Variants in CHLSN observed in about 807,000 individuals in gnomAD.
CHLSN encodes cholesin.
At chr7:1,031,862 C>T in the CHLSN span, among the ~76,000 whole-genome samples, 1 of 150,944 alleles carries the variant, frequency 6.6e-6, no homozygotes, top group East Asian at 2.0e-4. Flanking sequence ...GCAGGGAGGG[C>T]AGAGTGGTCC....
chr7:1,035,864 C>T, the CHLSN span, among the ~76,000 whole-genome samples: 1 of 152,250 alleles, frequency 6.6e-6, no homozygotes, highest in African/African-American at 2.4e-5. Context: ...TTATTCATAA[C>T]TGCCACAGAT....
chr7:1,009,032 TACACACATGCACACACGTACAC>T, the CHLSN span, among the ~76,000 whole-genome samples: 1 of 78,186 alleles, frequency 1.3e-5, no homozygotes, highest in Non-Finnish European at 2.4e-5. Flanking sequence ...TGCACACACG[TACACACATGCACACACGTACAC>T]GTGCACGTGC....
At chr7:1,058,821 G>A in the CHLSN span, 4 of 404,862 alleles carry the variant, frequency 9.9e-6, no homozygotes, top group Admixed American at 1.3e-4. Flanking sequence ...TCAATGAAGT[G>A]ATGAAAGCTT....
chr7:1,057,590 G>T, the CHLSN span: 1 of 771,746 alleles, frequency 1.3e-6, no homozygotes, highest in South Asian at 1.4e-5. Context: ...TGCAGCTGGG[G>T]CTGTCACTGT....
the CHLSN span, among the ~76,000 whole-genome samples, chr7:1,029,483 G>A: frequency 2.6e-5 from 4 of 152,196 alleles, no homozygotes; most frequent in African/African-American, 4.8e-5. Flanking sequence ...TAGGAGGCTG[G>A]AACTCCTGGA....
the CHLSN span, chr7:1,000,676 G>A: frequency 3.3e-5 from 24 of 732,152 alleles, no homozygotes; most frequent in Admixed American, 5.3e-5. Context: ...ACACACCAAG[G>A]CCTCATGTGA....
At chr7:1,023,059 C>T in the CHLSN span, 1 of 447,312 alleles carries the variant, frequency 2.2e-6, no homozygotes, top group African/African-American at 2.0e-5. This position sits in a 1 kb window ranked among gnomAD's most constrained non-coding sequence, Gnocchi z 5.0. Context: ...TCCTGCCACC[C>T]CTGCAGAGCA....
the CHLSN span, among the ~76,000 whole-genome samples, chr7:1,071,241 T>G: frequency 6.6e-6 from 1 of 152,232 alleles, no homozygotes; most frequent in Non-Finnish European, 1.5e-5. Context: ...GCAGATCAGG[T>G]GCAATGGCAA....
the CHLSN span, among the ~76,000 whole-genome samples, chr7:998,533 C>T: frequency 1.3e-5 from 2 of 149,518 alleles, no homozygotes; most frequent in African/African-American, 5.0e-5. Context: ...CGATCTCCAC[C>T]TCCCAGGTTC....
At chr7:1,010,075 C>G in the CHLSN span, 5 of 1,612,752 alleles carry the variant, frequency 3.1e-6, no homozygotes, top group East Asian at 4.5e-5. Context: ...GCTTCCTTTC[C>G]AGGACCCTCT....
the CHLSN span, among the ~76,000 whole-genome samples, chr7:1,133,392 C>CAAAAAAAAAAAAAAAAAAA: frequency 2.2e-5 from 2 of 91,106 alleles, no homozygotes; most frequent in African/African-American, 8.0e-5. Context: ...CGATATACTG[C>CAAAAAAAAAAAAAAAAAAA]AAAAAAAAAA....
the CHLSN span, chr7:1,058,470 CG>C: frequency 5.1e-6 from 4 of 780,172 alleles, no homozygotes; most frequent in Non-Finnish European, 9.6e-6. Flanking sequence ...CTGCGGGGAC[CG>C]GCACTGCTCC....
chr7:1,093,177 G>A, the CHLSN span: 10 of 560,164 alleles, frequency 1.8e-5, no homozygotes, highest in South Asian at 1.4e-4. Flanking sequence ...GCCTGCCGCT[G>A]CAGGAAACAT....
chr7:1,029,098 G>A, the CHLSN span: 1 of 152,116 alleles, frequency 6.6e-6, no homozygotes, highest in Non-Finnish European at 1.5e-5. Context: ...TGAGTTCCCT[G>A]CCCTGGGACT....
chr7:1,028,655 C>A, the CHLSN span: 1 of 934,660 alleles, frequency 1.1e-6, no homozygotes. Context: ...CCGCCCCCAC[C>A]CAGCCCCTAT....
At chr7:1,135,244 G>A in the CHLSN span, among the ~76,000 whole-genome samples, 3 of 152,118 alleles carry the variant, frequency 2.0e-5, no homozygotes, top group East Asian at 3.9e-4. Context: ...CCAACTAGAC[G>A]CTGATGACTT....
At chr7:1,084,474 C>T in the CHLSN span, among the ~76,000 whole-genome samples, 34 of 152,360 alleles carry the variant, frequency 2.2e-4, no homozygotes, top group African/African-American at 7.2e-4. Flanking sequence ...AAGGTGGATC[C>T]GGCGCGTGGT....
At chr7:983,765 TC>T in the CHLSN span, among the ~76,000 whole-genome samples, 2 of 152,186 alleles carry the variant, frequency 1.3e-5, no homozygotes, top group Admixed American at 6.5e-5. Context: ...CCTCAGGTGT[TC>T]AACAGCAAAC....
At chr7:1,021,021 T>G in the CHLSN span, among the ~76,000 whole-genome samples, 1 of 126,264 alleles carries the variant, frequency 7.9e-6, no homozygotes, top group African/African-American at 3.4e-5. Context: ...TTCGGGCAGG[T>G]ACCTCCAGGT....
Sources: allele counts gnomAD v4.1 joint callset (sites outside exome capture counted in the v4.1 genomes callset), GRCh38; gene constraint gnomAD v4.1.1; non-coding constraint Gnocchi (gnomAD v3.1); transcripts MANE v1.5; gene names NCBI Gene and HGNC (gene_info 2026-07-23, HGNC 2026-07-21).